Variants in TRIM67 observed in about 807,000 individuals in gnomAD.
The protein encoded by TRIM67 is tripartite motif containing 67, also known as tripartite motif-containing protein 67.
In TRIM67, 39 loss-of-function variants were observed where a neutral mutation model predicts 71.0. That is an observed-to-expected ratio of 0.55 (90% CI 0.43 to 0.72). The LOEUF is 0.72. TRIM67 is among the 30% of genes least tolerant of loss of function. TRIM67 has a pLI of 0.00. For synonymous variants in TRIM67, 481 were observed against 473.9 expected (o/e 1.01, Z -0.19); for missense variants, 973 against 1,079.2 (o/e 0.90, Z 1.38).
intron 1 of TRIM67, chr1:231,185,973 C>G: frequency 1.1e-6 from 1 of 914,638 alleles, no homozygotes; most frequent in South Asian, 1.5e-5. Context: ...GGGCTCATAA[C>G]TAGAGGAGAC....
At chr1:231,197,773 C>T (rs1374122730) in intron 2 of TRIM67, among the ~76,000 whole-genome samples, 3 of 151,834 alleles carry the variant, frequency 2.0e-5, no homozygotes, top group African/African-American at 2.4e-5. Flanking sequence ...TGCAGTGAGC[C>T]GAGATTGTGC....
intron 1 of TRIM67, among the ~76,000 whole-genome samples, chr1:231,194,010 G>A (rs553978104): frequency 1.3e-4 from 20 of 152,292 alleles, no homozygotes; most frequent in East Asian, 3.9e-4. Flanking sequence ...ATGACACCAC[G>A]TGAGGACCTA....
Position 231,219,113 on chromosome 1 carries a change from A to G in TRIM67, c.*3673A>G. 4.1e-6 allele frequency: 4 copies of G among 985,488 alleles called. No homozygotes were observed. Among genetic ancestry groups the G allele is most frequent in the Non-Finnish European group, 4.8e-6 (4 of 830,020 alleles). The allele number at this position is 985,488 out of a possible 1,614,324, so 61.0% of individuals were successfully genotyped here. ...GCTTTGAGGTAGTGAGGGAGGGTCA[A>G]TCCTTAGGGGGAGTCAACATGTGAA... On this transcript the variant is annotated 3_prime_UTR_variant, in exon 10 of 10. Coordinates refer to ENST00000366653, the MANE Select transcript of TRIM67 (RefSeq NM_001004342.5).
chr1:231,180,957 TTTTG>T (rs201759143), intron 1 of TRIM67, among the ~76,000 whole-genome samples: 28,657 of 94,750 alleles, frequency 0.3, 4,441 homozygotes, highest in African/African-American at 0.57. Context: ...GAGAAGGTTT[TTTTG>T]TTTGTTTGTT....
At position 231,188,877 on chromosome 1, in the gene TRIM67, T is replaced by G. The variant is rs549246347; in HGVS notation, c.1045-8494T>G. On this transcript the variant is annotated intron_variant, in intron 1 of 9. Coordinates refer to ENST00000366653, the MANE Select transcript of TRIM67 (RefSeq NM_001004342.5). ...CCTCAGGAGAGGAGAGGCCATCAAG[T>G]CCAGGTTGTGACTGGGTTCGGGCAG... Among the ~76,000 whole-genome samples, 7 of 152,314 alleles carry G rather than the reference T, an allele frequency of 4.6e-5. No homozygotes were observed. The East Asian group carries it at 1.3e-3, about 29-fold the overall frequency.
chr1:231,205,978 C>A (rs1238651993), intron 6 of TRIM67, among the ~76,000 whole-genome samples: 2 of 152,190 alleles, frequency 1.3e-5, no homozygotes, highest in Non-Finnish European at 2.9e-5. Context: ...GGAAGCTTGC[C>A]TCACCAGGAC....
At chr1:231,202,166 A>AGTGGAG (rs1683562809) in intron 5 of TRIM67, among the ~76,000 whole-genome samples, 1 of 2,318 alleles carries the variant, frequency 4.3e-4, no homozygotes, top group Non-Finnish European at 9.6e-4. Context: ...AGGAGGAGGT[A>AGTGGAG]GTGGAGGAGG....
intron 1 of TRIM67, among the ~76,000 whole-genome samples, chr1:231,166,977 G>A (rs1019336062): frequency 4.6e-5 from 7 of 152,122 alleles, no homozygotes; most frequent in Non-Finnish European, 1.0e-4. Context: ...GGGTTACTGT[G>A]TACCATAGCT....
chr1:231,204,438 A>C (rs1157374002), intron 6 of TRIM67, among the ~76,000 whole-genome samples: 1 of 152,202 alleles, frequency 6.6e-6, no homozygotes, highest in African/African-American at 2.4e-5. Context: ...GGTGCTGGGC[A>C]TATAGAGGAT....
chr1:231,203,111 G>A (rs1427210092), intron 5 of TRIM67, among the ~76,000 whole-genome samples: 1 of 151,992 alleles, frequency 6.6e-6, no homozygotes, highest in East Asian at 1.9e-4. Flanking sequence ...ATTGAAATAT[G>A]TACTTTTAAC....
In TRIM67 at chr1:231,218,182, G is replaced by A. The variant is rs531509954; in HGVS notation, c.*2742G>A. 33 of 1,022,786 alleles carry A rather than the reference G, an allele frequency of 3.2e-5. No individual in the cohort carries two copies. The highest frequency in any genetic ancestry group is 3.6e-5 in the Non-Finnish European group (31 of 851,424). The allele number at this position is 1,022,786 out of a possible 1,614,324, so 63.4% of individuals were successfully genotyped here. The stretch of plus-strand genomic sequence containing the variant: ...AATTCCTCATGGCCAGGAAGGTCCC[G>A]GGTTTCAGAGTAGAAATGACAGACA... On this transcript the variant is annotated 3_prime_UTR_variant, in exon 10 of 10. Transcript: ENST00000366653.
Position 231,215,998 on chromosome 1 carries a change from A to G in TRIM67, c.*558A>G. The G allele has an allele frequency of 1.0e-6, 1 of 985,792 alleles. No individual in the cohort carries two copies. The highest frequency in any genetic ancestry group is 1.2e-6 in the Non-Finnish European group (1 of 830,196). The allele number at this position is 985,792 out of a possible 1,614,324, so 61.1% of individuals were successfully genotyped here. On this transcript the variant is annotated 3_prime_UTR_variant, in exon 10 of 10. Transcript: ENST00000366653. ...CACCTGCCACTTGCAGACCCAATGC[A>G]GGATTGATAGAAAGGGACATTAATC... is the stretch of plus-strand genomic sequence containing the variant.
At chr1:231,165,855 G>C (rs1384411400) in intron 1 of TRIM67, among the ~76,000 whole-genome samples, 1 of 152,216 alleles carries the variant, frequency 6.6e-6, no homozygotes, top group Non-Finnish European at 1.5e-5. Context: ...TCACAGCTTA[G>C]AGAGACAAAA....
intron 1 of TRIM67, among the ~76,000 whole-genome samples, chr1:231,169,991 C>CTTTTTT (rs1342320930): frequency 3.8e-5 from 5 of 130,170 alleles, no homozygotes; most frequent in East Asian, 2.1e-4. Flanking sequence ...TTTTCTTTCT[C>CTTTTTT]TCTTTTTTTT....
At chr1:231,203,239 C>A (rs1683599909) in intron 5 of TRIM67, among the ~76,000 whole-genome samples, 1 of 152,260 alleles carries the variant, frequency 6.6e-6, no homozygotes, top group Non-Finnish European at 1.5e-5. Flanking sequence ...TTCTCCCACT[C>A]TCACCTTAAT....
In TRIM67 at chr1:231,163,554, C is replaced by A. The variant is rs1375422289; in HGVS notation, c.585C>A (p.Ala195=). The A allele has an allele frequency of 2.6e-6, 4 of 1,512,096 alleles. No individual in the cohort carries two copies. Among genetic ancestry groups the A allele is most frequent in the Non-Finnish European group, 3.5e-6 (4 of 1,136,050 alleles). The allele number at this position is 1,512,096 out of a possible 1,614,324, so 93.7% of individuals were successfully genotyped here. ...AGCGGTACCAGCAGGGCCGCGGGGC[C>A]GTGCCGGGGACGTCTGCAGCCGCGG... The part of the protein sequence containing the change: ...IVQRYQQGRG[A]VPGTSAAAAV... The change falls in exon 1 of 10, where the codon GCC becomes GCA. Residue 195 remains alanine, a synonymous_variant. Transcript: ENST00000366653.
At chr1:231,170,028 C>T (rs1053617667) in intron 1 of TRIM67, among the ~76,000 whole-genome samples, 5 of 127,324 alleles carry the variant, frequency 3.9e-5, no homozygotes, top group African/African-American at 1.9e-4. Context: ...CTCTTGTTGC[C>T]CAGGCTGGAG....
intron 1 of TRIM67, chr1:231,186,212 G>A (rs1340386416): frequency 6.7e-6 from 10 of 1,490,064 alleles, no homozygotes; most frequent in African/African-American, 2.9e-5. Flanking sequence ...GAGCCCAAAG[G>A]GCCAGAAGGA....
At chr1:231,176,288 G>A (rs910494444) in intron 1 of TRIM67, among the ~76,000 whole-genome samples, 10 of 152,268 alleles carry the variant, frequency 6.6e-5, no homozygotes, top group African/African-American at 1.7e-4. Context: ...ATGTATATGC[G>A]CCTGATATGA....
Sources: allele counts gnomAD v4.1 joint callset (sites outside exome capture counted in the v4.1 genomes callset), GRCh38; gene constraint gnomAD v4.1.1; transcripts MANE v1.5; gene names NCBI Gene and HGNC (gene_info 2026-07-23, HGNC 2026-07-21).